The following C10orf90 variants were observed in gnomAD, a reference collection of about 807,000 sequenced individuals.
The protein encoded by C10orf90 is chromosome 10 open reading frame 90.
C10orf90 carries 56 observed loss-of-function variants against 62.5 expected under a neutral mutation model. That is an observed-to-expected ratio of 0.90 (90% CI 0.72 to 1.12). C10orf90 has a LOEUF of 1.12. C10orf90 is among the 50% of genes most tolerant of loss of function. C10orf90 has a pLI of 0.00. For missense variants in C10orf90, 970 were observed against 880.4 expected, an observed-to-expected ratio of 1.10 and a Z score of -1.29; for synonymous variants, 386 against 340.4, an observed-to-expected ratio of 1.13 and a Z score of -1.47.
chr10:126,639,011 T>A (rs769867239), intron 2 of C10orf90, among the ~76,000 whole-genome samples: 25 of 152,198 alleles, frequency 1.6e-4, no homozygotes, highest in Admixed American at 2.0e-4. Flanking sequence ...GCTGAGTAAC[T>A]CTTAGACATG....
chr10:126,455,956 C>G (rs1379855263), intron 7 of C10orf90, among the ~76,000 whole-genome samples: 1 of 152,214 alleles, frequency 6.6e-6, no homozygotes, highest in East Asian at 1.9e-4. Flanking sequence ...GGGGCTCCCA[C>G]TTGAACCTTT....
intron 2 of C10orf90, among the ~76,000 whole-genome samples, chr10:126,631,940 A>G (rs1280730060): frequency 2.0e-5 from 3 of 152,140 alleles, no homozygotes; most frequent in East Asian, 1.9e-4. Context: ...ACAGGGGACC[A>G]GACACTGTCC....
chr10:126,472,963 TG>T (rs1424540006), intron 4 of C10orf90, among the ~76,000 whole-genome samples: 1 of 152,188 alleles, frequency 6.6e-6, no homozygotes, highest in Non-Finnish European at 1.5e-5. Context: ...AAAGTTTTTT[TG>T]TGGGTTTCTC....
intron 2 of C10orf90, among the ~76,000 whole-genome samples, chr10:126,621,027 AT>A (rs910482867): frequency 5.3e-5 from 8 of 152,330 alleles, no homozygotes; most frequent in African/African-American, 1.9e-4. Context: ...TGAATGTAAT[AT>A]TTTATTAAGC....
intron 2 of C10orf90, among the ~76,000 whole-genome samples, chr10:126,527,033 C>A (rs1356843727): frequency 6.6e-6 from 1 of 152,184 alleles, no homozygotes; most frequent in Non-Finnish European, 1.5e-5. Context: ...AATTCATGCA[C>A]AAGTTTTTGA....
At chr10:126,642,296 G>T (rs1403809174) in intron 2 of C10orf90, among the ~76,000 whole-genome samples, 1 of 152,108 alleles carries the variant, frequency 6.6e-6, no homozygotes, top group Non-Finnish European at 1.5e-5. Flanking sequence ...ACTTTGGGAG[G>T]CCAAGGTGGG....
Position 126,426,097 on chromosome 10 carries a change from C to T in C10orf90, c.2253-7G>A. The T allele has an allele frequency of 6.2e-7, 1 of 1,609,434 alleles. No individual in the cohort carries two copies. Among genetic ancestry groups the T allele is most frequent in the Non-Finnish European group, 8.5e-7 (1 of 1,175,826 alleles). Reference sequence around the variant, plus strand: ...CGGCAAGTTATCATAGATTCTGAAACAGATTCGGAAAACATTTGGAATGGT... The same window carrying T: ...CGGCAAGTTATCATAGATTCTGAAATAGATTCGGAAAACATTTGGAATGGT... On this transcript the variant is annotated splice_region_variant and splice_polypyrimidine_tract_variant and intron_variant, in intron 8 of 9. Coordinates refer to ENST00000488181, the MANE Select transcript of C10orf90 (RefSeq NM_001350921.2).
At chr10:126,475,364 G>T (rs1397362086) in intron 4 of C10orf90, among the ~76,000 whole-genome samples, 1 of 152,086 alleles carries the variant, frequency 6.6e-6, no homozygotes, top group African/African-American at 2.4e-5. Context: ...CCCCAGGATG[G>T]TCCACACACA....
chr10:126,618,410 G>A (rs545225658), intron 2 of C10orf90, among the ~76,000 whole-genome samples: 28 of 152,182 alleles, frequency 1.8e-4, no homozygotes, highest in South Asian at 1.0e-3. Flanking sequence ...GGGGCCTCCC[G>A]CCTCCCCACA....
intron 1 of C10orf90, among the ~76,000 whole-genome samples, chr10:126,658,956 A>G (rs1439169702): frequency 6.6e-6 from 1 of 152,222 alleles, no homozygotes; most frequent in African/African-American, 2.4e-5. Context: ...CAGATTGCAG[A>G]GGCTGAACCT....
chr10:126,498,545 A>G (rs1008332422), intron 4 of C10orf90, among the ~76,000 whole-genome samples: 10 of 152,182 alleles, frequency 6.6e-5, no homozygotes, highest in African/African-American at 2.4e-4. Context: ...CACAGAGCGG[A>G]AAACGCAGAC....
intron 2 of C10orf90, among the ~76,000 whole-genome samples, chr10:126,600,852 G>A (rs970414273): frequency 6.6e-6 from 1 of 152,126 alleles, no homozygotes; most frequent in East Asian, 1.9e-4. Flanking sequence ...TACCCAAAAG[G>A]AGATGAAATA....
chr10:126,433,553 CA>C (rs751866170), intron 7 of C10orf90, among the ~76,000 whole-genome samples: 9 of 152,234 alleles, frequency 5.9e-5, no homozygotes, highest in Non-Finnish European at 8.8e-5. Context: ...CCTGGTCCCA[CA>C]ACTCAGTTTC....
At chr10:126,658,769 G>A (rs1846447004) in intron 1 of C10orf90, among the ~76,000 whole-genome samples, 1 of 152,104 alleles carries the variant, frequency 6.6e-6, no homozygotes, top group Non-Finnish European at 1.5e-5. Flanking sequence ...TTGATTGATT[G>A]ATTGATTGAT....
At chr10:126,587,562 A>T (rs1466496392) in intron 2 of C10orf90, among the ~76,000 whole-genome samples, 1 of 152,140 alleles carries the variant, frequency 6.6e-6, no homozygotes, top group Non-Finnish European at 1.5e-5. Flanking sequence ...ATCTGAACCT[A>T]ATTACCTCCC....
At chr10:126,476,235 G>A (rs1434660193) in intron 4 of C10orf90, among the ~76,000 whole-genome samples, 1 of 152,174 alleles carries the variant, frequency 6.6e-6, no homozygotes, top group Admixed American at 6.5e-5. Context: ...TTCCTAGCCC[G>A]GCTGACATCA....
intron 1 of C10orf90, among the ~76,000 whole-genome samples, chr10:126,669,694 ACT>A (rs1043376778): frequency 2.4e-4 from 26 of 110,604 alleles, no homozygotes; most frequent in Admixed American, 1.5e-3. Flanking sequence ...AAGTTCTCTC[ACT>A]CTCTGTCTTT....
chr10:126,565,158 A>AATATTATATTACATATTATGTAATATC (rs1844322120), intron 2 of C10orf90, among the ~76,000 whole-genome samples: 1 of 61,142 alleles, frequency 1.6e-5, no homozygotes, highest in African/African-American at 5.7e-5. Context: ...TATGTAATAT[A>AATATTATATTACATATTATGTAATATC]ATATTTATAT....
At chr10:126,618,031 C>T (rs1845576416) in intron 2 of C10orf90, among the ~76,000 whole-genome samples, 1 of 152,134 alleles carries the variant, frequency 6.6e-6, no homozygotes, top group African/African-American at 2.4e-5. Context: ...TGCAACAAAC[C>T]CTCAGGAGGG....
Sources: gnomAD v4.1 joint callset for allele counts (sites outside exome capture counted in the v4.1 genomes callset) on GRCh38, gnomAD v4.1.1 for gene constraint, MANE v1.5 for transcripts, NCBI Gene and HGNC (gene_info 2026-07-23, HGNC 2026-07-21) for gene names.